EFCAB13: variants seen among roughly 807,000 people sequenced by gnomAD.
The protein encoded by EFCAB13 is EF-hand calcium-binding domain-containing protein 13.
Under a neutral mutation model 110.2 loss-of-function variants are expected in EFCAB13, and 91 were observed. The ratio of observed to expected loss-of-function variants is 0.83; its 90% CI spans 0.70 to 0.98. EFCAB13 has a LOEUF of 0.98. Among genes scored for constraint, EFCAB13 ranks in the 50% least tolerant of loss-of-function variants. The pLI is 0.00. For missense variants in EFCAB13, 968 were observed against 1,119.4 expected (o/e 0.86, Z 1.93); for synonymous variants, 323 against 369.9 (o/e 0.87, Z 1.45).
chr17:47,335,465 A>G (rs1425307370), intron 5 of EFCAB13, 109 bp downstream of exon 5: 2 of 838,006 alleles, frequency 2.4e-6, no homozygotes, highest in Non-Finnish European at 3.4e-6. Flanking sequence ...TGTGTATAGG[A>G]TCATGCATAT....
intron 24 of EFCAB13, among the ~76,000 whole-genome samples, chr17:47,438,417 T>A (rs111531694): frequency 6.6e-6 from 1 of 152,102 alleles, no homozygotes; most frequent in Admixed American, 6.5e-5. Flanking sequence ...CTCTTCTTCC[T>A]CAGGTACACC....
chr17:47,346,132 G>A (rs1033715824), intron 8 of EFCAB13, among the ~76,000 whole-genome samples: 3 of 151,992 alleles, frequency 2.0e-5, no homozygotes, highest in African/African-American at 7.2e-5. Context: ...GCACAATATT[G>A]TACAGTATTT....
At chr17:47,432,351 T>C (rs1905132098) in intron 24 of EFCAB13, among the ~76,000 whole-genome samples, 1 of 148,486 alleles carries the variant, frequency 6.7e-6, no homozygotes, top group South Asian at 2.1e-4. Context: ...TGAGGTGAGA[T>C]TGCACCACTG....
intron 24 of EFCAB13, among the ~76,000 whole-genome samples, chr17:47,434,321 AAAAT>A (rs1905172155): frequency 6.6e-6 from 1 of 152,160 alleles, no homozygotes; most frequent in Non-Finnish European, 1.5e-5. Context: ...CTACAAAAAA[AAAAT>A]AAATAAATAC....
chr17:47,355,571 T>G (rs2065475698), intron 9 of EFCAB13, among the ~76,000 whole-genome samples: 1 of 105,200 alleles, frequency 9.5e-6, no homozygotes, highest in Non-Finnish European at 1.9e-5. Flanking sequence ...GCTTTGTTCA[T>G]TTTTTTTTTT....
chr17:47,424,431 C>T (rs1265048173), intron 23 of EFCAB13, among the ~76,000 whole-genome samples: 1 of 152,196 alleles, frequency 6.6e-6, no homozygotes, highest in African/African-American at 2.4e-5. Flanking sequence ...GGAGAACTCA[C>T]TTCAGCAGAA....
chr17:47,384,076 CT>C lies in EFCAB13; in HGVS notation c.1582+4825del, dbSNP rs946489890. On this transcript the variant is annotated intron_variant, in intron 14 of 24. Transcript: ENST00000331493. The stretch of plus-strand genomic sequence containing the variant: ...TTAGCTCTTCTTGTTGCATTAATCC[CT>C]TCTTTGTCTTTTTTGATCTTTGTTG... Among the ~76,000 whole-genome samples the C allele has an allele frequency of 2.0e-5, 3 of 151,360 alleles. No individual in the cohort carries two copies. The East Asian group carries it at 5.8e-4, about 29-fold the overall frequency.
In EFCAB13 at chr17:47,402,206, A is replaced by G. The variant is rs1359906890; in HGVS notation, c.2017+3A>G. On this transcript the variant is annotated splice_donor_region_variant and intron_variant, in intron 18 of 24. Transcript: ENST00000331493. ...GCGTGATGCTGCCAGGTTAGAAGGT[A>G]AGTACTGAATTATTTATAACGGTTA... The G allele has an allele frequency of 1.2e-6, 2 of 1,610,740 alleles. No individual in the cohort carries two copies. Among genetic ancestry groups the G allele is most frequent in the Non-Finnish European group, 1.7e-6 (2 of 1,177,144 alleles).
chr17:47,367,208 C>CTT (rs1471077099), intron 10 of EFCAB13, among the ~76,000 whole-genome samples: 10 of 152,156 alleles, frequency 6.6e-5, no homozygotes, highest in Admixed American at 5.2e-4. Context: ...CAATTTAGCA[C>CTT]CAATTTTGTC....
chr17:47,434,849 G>A (rs995371751), intron 24 of EFCAB13, among the ~76,000 whole-genome samples: 2 of 152,064 alleles, frequency 1.3e-5, no homozygotes, highest in Non-Finnish European at 1.5e-5. Flanking sequence ...GTAGAAACAC[G>A]AAACTGTATC....
chr17:47,378,448 AT>A, intron 13 of EFCAB13, among the ~76,000 whole-genome samples: 1 of 152,286 alleles, frequency 6.6e-6, no homozygotes, highest in South Asian at 2.1e-4. Flanking sequence ...GTAACTAAGC[AT>A]TTTCCACAAC....
intron 10 of EFCAB13, 100 bp from the exon 11 acceptor site, chr17:47,370,337 C>T: frequency 1.2e-6 from 1 of 825,910 alleles, no homozygotes; most frequent in Non-Finnish European, 2.0e-6. Flanking sequence ...CTCTTTGTTC[C>T]TACTTGCCAC....
At chr17:47,438,657 T>G (rs1905256490) in intron 24 of EFCAB13, among the ~76,000 whole-genome samples, 1 of 152,134 alleles carries the variant, frequency 6.6e-6, no homozygotes, top group South Asian at 2.1e-4. Flanking sequence ...TTTTTGATGG[T>G]TTTTTCTTTA....
chr17:47,335,267 T>C lies in EFCAB13; in HGVS notation c.102T>C (p.Ile34=), dbSNP rs748069365. The change falls in exon 5 of 25, where the codon ATT becomes ATC. Residue 34 remains isoleucine, a synonymous_variant. Transcript: ENST00000331493. ...SFATDLSSGT[I]NHKKYIKFSK... is the part of the protein sequence containing the mutation. The stretch of plus-strand genomic sequence containing the variant: ...CAACTGACTTGTCATCAGGAACTAT[T>C]AACCACAAGAAATACATCAAGTTTT... The C allele has an allele frequency of 2.5e-6, 4 of 1,611,720 alleles. No homozygotes were observed. Among genetic ancestry groups the C allele is most frequent in the Non-Finnish European group, 3.4e-6 (4 of 1,179,332 alleles).
At chr17:47,372,938 C>G (rs1388395692) in intron 11 of EFCAB13, among the ~76,000 whole-genome samples, 1 of 152,010 alleles carries the variant, frequency 6.6e-6, no homozygotes, top group Non-Finnish European at 1.5e-5. Flanking sequence ...TTTGGCCTTC[C>G]TGTACCTGGA....
chr17:47,392,164 A>G (rs1233375507), intron 15 of EFCAB13, among the ~76,000 whole-genome samples: 4 of 152,112 alleles, frequency 2.6e-5, no homozygotes, highest in Non-Finnish European at 4.4e-5. Context: ...TATATTTAAC[A>G]TTTTCCATAA....
At chr17:47,404,306 C>T (rs1303382286) in intron 19 of EFCAB13, among the ~76,000 whole-genome samples, 2 of 152,086 alleles carry the variant, frequency 1.3e-5, no homozygotes, top group African/African-American at 2.4e-5. Context: ...AGCTTTGCCA[C>T]CTTTGACCAA....
At chr17:47,330,238 G>A (rs910206216) in intron 4 of EFCAB13, among the ~76,000 whole-genome samples, 12 of 151,634 alleles carry the variant, frequency 7.9e-5, no homozygotes, top group African/African-American at 2.7e-4. Flanking sequence ...AAGCAATATA[G>A]CTTCTTTTTT....
chr17:47,374,505 C>A lies in EFCAB13; in HGVS notation c.911C>A (p.Thr304Asn). The change falls in exon 12 of 25, where the codon ACT becomes AAT. Residue 304 changes from threonine to asparagine, a missense_variant. Physicochemically the swap from Thr to Asn is moderately conservative, Grantham distance 65 (BLOSUM62 0). Coordinates refer to ENST00000331493, the MANE Select transcript of EFCAB13 (RefSeq NM_152347.5). ...GAAGGATCACCTTTGAATGAAATTA[C>A]TTCAGACAGAAAGTTATCAAGTGTA... ...ITEGSPLNEITSDRKLSSVAG... is the reference protein window; with the variant it reads ...ITEGSPLNEINSDRKLSSVAG... 1 of 1,543,950 alleles carries A rather than the reference C, an allele frequency of 6.5e-7. No homozygotes were observed. Among genetic ancestry groups the A allele is most frequent in the South Asian group, 1.3e-5 (1 of 78,724 alleles).
Sources: allele counts gnomAD v4.1 joint callset (sites outside exome capture counted in the v4.1 genomes callset), GRCh38; gene constraint gnomAD v4.1.1; transcripts MANE v1.5; gene names NCBI Gene and HGNC (gene_info 2026-07-23, HGNC 2026-07-21).